Variants in C10orf90 observed in about 807,000 individuals in gnomAD.
C10orf90 encodes chromosome 10 open reading frame 90.
In C10orf90, 56 loss-of-function variants were observed where a neutral mutation model predicts 62.5. That is an observed-to-expected ratio of 0.90 (90% confidence interval 0.72 to 1.12). The LOEUF is 1.12. Among genes scored for constraint, C10orf90 ranks in the 50% most tolerant of loss-of-function variants. C10orf90 has a pLI of 0.00. For synonymous variants in C10orf90, 386 were observed against 340.4 expected (o/e 1.13, Z -1.47); for missense variants, 970 against 880.4 (o/e 1.10, Z -1.29).
rs118102197 is a variant in C10orf90 at position 126,506,113 on chromosome 10, G to T, written c.406-1028C>A. On this transcript the variant is annotated intron_variant, in intron 3 of 9. Transcript: ENST00000488181. ...GTAGCTTTGCTGCATTTCAATGATC[G>T]GTTGTATCAGTTTTTGTCCAGTATT... Among the ~76,000 whole-genome samples the T allele has an allele frequency of 7.5e-4, 114 of 152,296 alleles. 1 individual carries two copies. The East Asian group carries it at 0.016, about 21-fold the overall frequency.
chr10:126,526,074 G>A (rs1355138108), intron 2 of C10orf90, among the ~76,000 whole-genome samples: 1 of 143,014 alleles, frequency 7.0e-6, no homozygotes, highest in South Asian at 2.2e-4. Context: ...AAGAAGCAGA[G>A]GCAAAGAGGG....
intron 4 of C10orf90, among the ~76,000 whole-genome samples, chr10:126,488,829 C>CA: frequency 6.6e-6 from 1 of 151,972 alleles, no homozygotes; most frequent in East Asian, 1.9e-4. Context: ...ACAAATTGCC[C>CA]AAACACTTAA....
chr10:126,504,139 T>C lies in C10orf90; in HGVS notation c.1352A>G (p.His451Arg), dbSNP rs570586720. 1.2e-6 allele frequency: 2 copies of C among 1,614,024 alleles called. No homozygotes were observed. The highest frequency in any genetic ancestry group is 2.2e-5 in the East Asian group (1 of 44,870). The change falls in exon 4 of 10, where the codon CAT becomes CGT. Residue 451 changes from histidine (H) to arginine (R), a missense_variant. Coordinates refer to ENST00000488181, the MANE Select transcript of C10orf90 (RefSeq NM_001350921.2). This position sits in a 1 kb window ranked among gnomAD's most constrained non-coding sequence, Gnocchi z 4.1. ...LKETPSLRRV[H>R]LGTGACPWSG... ...CCAAGGACAAGCGCCGGTCCCCAAA[T>C]GCACCCGCCTCAACGATGGGGTTTC...
intron 2 of C10orf90, among the ~76,000 whole-genome samples, chr10:126,645,061 T>C (rs1206226427): frequency 6.8e-6 from 1 of 147,930 alleles, no homozygotes; most frequent in East Asian, 2.0e-4. Context: ...AATTGAACAA[T>C]GAGATCACAT....
intron 7 of C10orf90, among the ~76,000 whole-genome samples, chr10:126,455,093 C>T (rs1452078037): frequency 6.6e-6 from 1 of 152,122 alleles, no homozygotes; most frequent in African/African-American, 2.4e-5. Flanking sequence ...ATACCACTGC[C>T]CTGCCCAGGC....
intron 2 of C10orf90, among the ~76,000 whole-genome samples, chr10:126,574,480 G>A (rs1564878260): frequency 1.3e-5 from 2 of 152,006 alleles, no homozygotes; most frequent in Non-Finnish European, 1.5e-5. Flanking sequence ...GGAAAAATTA[G>A]AGATCAGTCT....
intron 7 of C10orf90, among the ~76,000 whole-genome samples, chr10:126,441,171 T>C (rs907999676): frequency 1.2e-4 from 18 of 151,788 alleles, no homozygotes; most frequent in Admixed American, 3.9e-4. Flanking sequence ...TTCAAGGAAA[T>C]AGAAAGCATA....
At chr10:126,457,909 T>G (rs1319248313) in intron 7 of C10orf90, among the ~76,000 whole-genome samples, 3 of 152,228 alleles carry the variant, frequency 2.0e-5, no homozygotes, top group Non-Finnish European at 2.9e-5. Context: ...GAGACACATT[T>G]TCCCATGGGG....
rs17154818 is a variant in C10orf90, at chr10:126,461,637, G to C, written c.1826-52C>G. The C allele has an allele frequency of 0.011, 17,840 of 1,557,064 alleles. 1,696 individuals carry two copies. The African/African-American group carries it at 0.21, about 18-fold the overall frequency. ...TTAGAGGGCACCAAGTGATTTTCACGTGGCTCCTCAATACCATTAGACACA... is the reference window on the plus strand; with the variant it reads ...TTAGAGGGCACCAAGTGATTTTCACCTGGCTCCTCAATACCATTAGACACA... On this transcript the variant is annotated intron_variant, in intron 5 of 9. Coordinates refer to ENST00000488181, the MANE Select transcript of C10orf90 (RefSeq NM_001350921.2).
chr10:126,622,162 T>C (rs1034955279), intron 2 of C10orf90, among the ~76,000 whole-genome samples: 1 of 152,174 alleles, frequency 6.6e-6, no homozygotes, highest in African/African-American at 2.4e-5. Flanking sequence ...ACTCCCACCC[T>C]TCACTCCTGA....
At chr10:126,469,902 A>G in intron 4 of C10orf90, 1 of 456,776 alleles carries the variant, frequency 2.2e-6, no homozygotes, top group Non-Finnish European at 4.4e-6. Flanking sequence ...TCCTTTTGGC[A>G]AGCGAGAGGC....
Position 126,496,681 on chromosome 10 carries a change from G to C in C10orf90, c.1534+7276C>G, listed in dbSNP as rs562447613. The C allele has an allele frequency of 6.4e-5, 63 of 985,278 alleles. 1 individual carries two copies. In the African/African-American group the frequency reaches 1.0e-3, roughly 16 times the overall value. The allele number at this position is 985,278 out of a possible 1,614,324, so 61.0% of individuals were successfully genotyped here. On this transcript the variant is annotated intron_variant, in intron 4 of 9. Transcript: ENST00000488181. ...ACCTCTTGGCGGTGAGTCTTTCATCGCTCCTCACCCTTTCCTTGCCAGAGA... is the reference window on the plus strand; with the variant it reads ...ACCTCTTGGCGGTGAGTCTTTCATCCCTCCTCACCCTTTCCTTGCCAGAGA...
chr10:126,578,055 C>A (rs989750248), intron 2 of C10orf90, among the ~76,000 whole-genome samples: 2 of 152,086 alleles, frequency 1.3e-5, no homozygotes, highest in Non-Finnish European at 2.9e-5. Flanking sequence ...AATTAAACAG[C>A]AACATCATCA....
chr10:126,436,692 C>T (rs1192335658), intron 7 of C10orf90, among the ~76,000 whole-genome samples: 1 of 152,142 alleles, frequency 6.6e-6, no homozygotes, highest in Non-Finnish European at 1.5e-5. Context: ...GCCAGGGTCT[C>T]ACTCTGTTGC....
At chr10:126,621,011 T>C (rs981421479) in intron 2 of C10orf90, among the ~76,000 whole-genome samples, 32 of 152,340 alleles carry the variant, frequency 2.1e-4, no homozygotes, top group African/African-American at 3.4e-4. Flanking sequence ...TAACTTCCAT[T>C]TTAAATGAAT....
intron 6 of C10orf90, among the ~76,000 whole-genome samples, chr10:126,459,423 C>A (rs1001244487): frequency 6.6e-6 from 1 of 152,204 alleles, no homozygotes; most frequent in Non-Finnish European, 1.5e-5. Flanking sequence ...GGGGGTCAGG[C>A]CTGGCCAGCG....
At chr10:126,440,028 A>G (rs1359975093) in intron 7 of C10orf90, among the ~76,000 whole-genome samples, 1 of 152,194 alleles carries the variant, frequency 6.6e-6, no homozygotes, top group Non-Finnish European at 1.5e-5. Context: ...ACTTTGTAAC[A>G]ATTTGAACCA....
intron 2 of C10orf90, among the ~76,000 whole-genome samples, chr10:126,621,823 T>A (rs1233526659): frequency 2.0e-5 from 3 of 152,352 alleles, no homozygotes; most frequent in African/African-American, 7.2e-5. Flanking sequence ...TGACTTTGCT[T>A]TAACTCATCA....
intron 2 of C10orf90, among the ~76,000 whole-genome samples, chr10:126,525,369 A>G (rs1863906446): frequency 1.3e-5 from 2 of 152,346 alleles, no homozygotes; most frequent in Admixed American, 1.3e-4. Context: ...AAATATTTTC[A>G]TAAGATGTCA....
Sources: allele counts gnomAD v4.1 joint callset (sites outside exome capture counted in the v4.1 genomes callset), GRCh38; gene constraint gnomAD v4.1.1; non-coding constraint Gnocchi (gnomAD v3.1); transcripts MANE v1.5; gene names NCBI Gene and HGNC (gene_info 2026-07-23, HGNC 2026-07-21).